PPP2R5E: variants seen among roughly 807,000 people sequenced by gnomAD.
PPP2R5E encodes protein phosphatase 2 regulatory subunit B'epsilon.
In PPP2R5E, 4 loss-of-function variants were observed where a neutral mutation model predicts 65.3. The observed-to-expected ratio is 0.06, with a 90% CI of 0.03 to 0.14. PPP2R5E has a LOEUF of 0.14. Among genes scored for constraint, PPP2R5E ranks in the 10% least tolerant of loss-of-function variants. PPP2R5E has a pLI of 1.00. For synonymous variants in PPP2R5E, 183 were observed against 187.4 expected (o/e 0.98, Z 0.19); for missense variants, 274 against 556.1 (o/e 0.49, Z 5.10).
chr14:63,393,975 A>G (rs1444545877), intron 7 of PPP2R5E, 47 bp from the exon 8 acceptor site: 1 of 1,070,178 alleles, frequency 9.3e-7, no homozygotes, highest in Non-Finnish European at 1.4e-6. Context: ...CCACAAGTTG[A>G]ACTGAGACAA....
intron 10 of PPP2R5E, among the ~76,000 whole-genome samples, chr14:63,391,437 T>TTTGTC (rs1885017514): frequency 1.3e-5 from 2 of 152,056 alleles, no homozygotes; most frequent in Non-Finnish European, 2.9e-5. Context: ...TTTGTTTTGT[T>TTTGTC]TTTGAGACAG....
At chr14:63,540,114 G>C (rs1169685964) in intron 1 of PPP2R5E, among the ~76,000 whole-genome samples, 2 of 137,346 alleles carry the variant, frequency 1.5e-5, no homozygotes, top group Non-Finnish European at 3.1e-5. Flanking sequence ...GAGTGACAGA[G>C]TGAGATTCCG....
chr14:63,442,078 A>C (rs1888266626), intron 3 of PPP2R5E, among the ~76,000 whole-genome samples: 1 of 152,188 alleles, frequency 6.6e-6, no homozygotes, highest in Non-Finnish European at 1.5e-5. Context: ...GAGGAAGTAC[A>C]GACCAGTTTC....
chr14:63,495,915 C>A (rs1891537364), intron 2 of PPP2R5E, among the ~76,000 whole-genome samples: 2 of 152,054 alleles, frequency 1.3e-5, no homozygotes, highest in African/African-American at 4.8e-5. Context: ...GGTCCCAACT[C>A]CTGGGCTCAA....
At chr14:63,388,112 C>CTTT (rs779677887) in intron 11 of PPP2R5E, among the ~76,000 whole-genome samples, 9 of 137,432 alleles carry the variant, frequency 6.5e-5, no homozygotes, top group African/African-American at 2.5e-4. Context: ...TGGTGATGCT[C>CTTT]TTTTTTTTTT....
intron 3 of PPP2R5E, among the ~76,000 whole-genome samples, chr14:63,429,426 C>T (rs897094959): frequency 2.0e-5 from 3 of 152,106 alleles, no homozygotes; most frequent in Admixed American, 6.5e-5. Flanking sequence ...TGATGATAAA[C>T]AGAAAACATT....
chr14:63,485,978 C>T (rs1890972889), intron 2 of PPP2R5E, among the ~76,000 whole-genome samples: 1 of 151,534 alleles, frequency 6.6e-6, no homozygotes, highest in Non-Finnish European at 1.5e-5. Context: ...TACAGGCATG[C>T]GCTACTACGC....
chr14:63,411,921 C>T (rs1369895759), intron 5 of PPP2R5E, among the ~76,000 whole-genome samples: 1 of 152,146 alleles, frequency 6.6e-6, no homozygotes, highest in Admixed American at 6.5e-5. Context: ...AGAAGCATGG[C>T]AGTGAAGTCT....
intron 3 of PPP2R5E, among the ~76,000 whole-genome samples, chr14:63,435,352 C>G (rs1470805343): frequency 6.6e-6 from 1 of 151,642 alleles, no homozygotes; most frequent in Non-Finnish European, 1.5e-5. Flanking sequence ...ATGGGTGATT[C>G]TTTTTTTTGA....
At chr14:63,413,358 T>C (rs1165755469) in intron 5 of PPP2R5E, among the ~76,000 whole-genome samples, 1 of 152,172 alleles carries the variant, frequency 6.6e-6, no homozygotes, top group Non-Finnish European at 1.5e-5. Context: ...TCACAAAAAA[T>C]AGGAGAACCC....
At chr14:63,378,818 T>C (rs536221872) in intron 13 of PPP2R5E, among the ~76,000 whole-genome samples, 1 of 152,350 alleles carries the variant, frequency 6.6e-6, no homozygotes, top group Non-Finnish European at 1.5e-5. Flanking sequence ...AGATTTGTAA[T>C]ACTTCAAAAT....
chr14:63,398,562 G>A (rs1185457592), intron 5 of PPP2R5E, among the ~76,000 whole-genome samples: 2 of 152,186 alleles, frequency 1.3e-5, no homozygotes, highest in Non-Finnish European at 2.9e-5. Context: ...GGAGGCCGAG[G>A]GGGTAGATCA....
At chr14:63,416,472 C>T (rs1886689852) in intron 4 of PPP2R5E, among the ~76,000 whole-genome samples, 1 of 151,910 alleles carries the variant, frequency 6.6e-6, no homozygotes, top group South Asian at 2.1e-4. Flanking sequence ...CACATAAAGC[C>T]CTCTGCACAA....
chr14:63,487,113 C>T (rs1387242836), intron 2 of PPP2R5E, among the ~76,000 whole-genome samples: 1 of 152,208 alleles, frequency 6.6e-6, no homozygotes, highest in Non-Finnish European at 1.5e-5. Flanking sequence ...CACATCTATA[C>T]TCAGGCCCTC....
chr14:63,542,596 T>A (rs1158508623), intron 1 of PPP2R5E, among the ~76,000 whole-genome samples, 183 bp downstream of exon 1: 1 of 151,916 alleles, frequency 6.6e-6, no homozygotes, highest in Non-Finnish European at 1.5e-5. Context: ...AGAGGTATCA[T>A]CAGAAGCATT....
At chr14:63,517,981 G>C (rs1427685583) in intron 2 of PPP2R5E, among the ~76,000 whole-genome samples, 1 of 152,162 alleles carries the variant, frequency 6.6e-6, no homozygotes, top group African/African-American at 2.4e-5. Flanking sequence ...TCATAAAATA[G>C]GGAATTAAAA....
intron 2 of PPP2R5E, among the ~76,000 whole-genome samples, chr14:63,485,825 C>CTTTT (rs770156529): frequency 8.4e-5 from 11 of 130,632 alleles, no homozygotes; most frequent in East Asian, 4.4e-4. Context: ...TACTGACAAA[C>CTTTT]TTTTTTTTTT....
intron 2 of PPP2R5E, among the ~76,000 whole-genome samples, chr14:63,467,766 G>A (rs1223325389): frequency 1.3e-5 from 2 of 152,212 alleles, no homozygotes; most frequent in African/African-American, 4.8e-5. Flanking sequence ...GGCTGAGGTT[G>A]TCCTTGGGGT....
intron 2 of PPP2R5E, among the ~76,000 whole-genome samples, chr14:63,457,885 T>A (rs1224224853): frequency 6.6e-6 from 1 of 152,174 alleles, no homozygotes; most frequent in Non-Finnish European, 1.5e-5. Context: ...CCAGAATATG[T>A]TTCTCCACCA....
Sources: allele counts gnomAD v4.1 joint callset (sites outside exome capture counted in the v4.1 genomes callset), GRCh38; gene constraint gnomAD v4.1.1; transcripts MANE v1.5; gene names NCBI Gene and HGNC (gene_info 2026-07-23, HGNC 2026-07-21).